UGT1A8: variants seen among roughly 807,000 people sequenced by gnomAD.
UGT1A8 encodes UDP-glucuronosyltransferase 1A8.
In UGT1A8, 39 loss-of-function variants were observed where a neutral mutation model predicts 45.3. That is an observed-to-expected ratio of 0.86 (90% CI 0.67 to 1.12). UGT1A8 has a LOEUF of 1.12. Ranked by LOEUF, UGT1A8 falls within the 50% of genes most tolerant of loss-of-function variation. The probability of loss-of-function intolerance (pLI) is 0.00; values close to 1 mark genes in which losing one functional copy is unlikely to be tolerated. For missense variants in UGT1A8, 719 were observed against 664.9 expected (o/e 1.08, Z -0.90); for synonymous variants, 275 against 249.2 (o/e 1.10, Z -0.97).
rs2072936637 is a variant in UGT1A8 at position 233,618,103 on chromosome 2, A to G, written c.396A>G (p.Lys132=). The change falls in exon 1 of 5, where the codon AAA becomes AAG. Residue 132 remains lysine (K), a synonymous_variant. Transcript: ENST00000373450. ...SHCRSLFNDR[K]LVEYLKESSF... ...GCAGGAGTTTGTTTAATGACCGAAAATTAGTAGAATACTTAAAGGAGAGTT... is the reference window on the plus strand; with the variant it reads ...GCAGGAGTTTGTTTAATGACCGAAAGTTAGTAGAATACTTAAAGGAGAGTT... 2 of 1,614,108 alleles carry G rather than the reference A, an allele frequency of 1.2e-6. No homozygotes were observed. Among genetic ancestry groups the G allele is most frequent in the Middle Eastern group, 1.6e-4 (1 of 6,062 alleles).
chr2:233,647,212 G>A (rs1262271191), intron 1 of UGT1A8, among the ~76,000 whole-genome samples: 3 of 152,230 alleles, frequency 2.0e-5, no homozygotes, highest in East Asian at 3.8e-4. Context: ...TCCATGACAC[G>A]TGGAAATTGT....
At chr2:233,661,708 C>T (rs78337459) in intron 1 of UGT1A8, among the ~76,000 whole-genome samples, 26 of 90,842 alleles carry the variant, frequency 2.9e-4, no homozygotes, top group African/African-American at 9.0e-4. Flanking sequence ...TATCTGGATT[C>T]TTTTTTTTTT....
At chr2:233,711,402 C>A (rs1267676385) in intron 1 of UGT1A8, among the ~76,000 whole-genome samples, 1 of 152,222 alleles carries the variant, frequency 6.6e-6, no homozygotes, top group African/African-American at 2.4e-5. Flanking sequence ...CCACCCTCAC[C>A]CCGGGCTCAT....
In UGT1A8 at chr2:233,690,508, G is replaced by C. The variant is rs149990156; in HGVS notation, c.855+71946G>C. The C allele has an allele frequency of 2.2e-5, 29 of 1,289,314 alleles. No individual in the cohort carries two copies. In the African/African-American group the frequency reaches 4.0e-4, roughly 18 times the overall value. The allele number at this position is 1,289,314 out of a possible 1,614,324, so 79.9% of individuals were successfully genotyped here. A position where few individuals can be genotyped will look rare whatever the true frequency, so the allele number is the denominator to read the frequency against. On this transcript the variant is annotated intron_variant, in intron 1 of 4. Transcript: ENST00000373450. ...AATCTGCTCTTGCCAACAGAGATTT[G>C]TTTTATCTTAGGATCTACTTCTTTC... is the stretch of plus-strand genomic sequence containing the variant.
chr2:233,698,522 A>G (rs1416828415), intron 1 of UGT1A8, among the ~76,000 whole-genome samples: 1 of 152,236 alleles, frequency 6.6e-6, no homozygotes, highest in Non-Finnish European at 1.5e-5. Context: ...TCGGCAATAC[A>G]TAAAGTAAAC....
chr2:233,721,901 G>A, intron 1 of UGT1A8: 1 of 456,940 alleles, frequency 2.2e-6, no homozygotes, highest in Non-Finnish European at 4.4e-6. Flanking sequence ...ATATCGAAAT[G>A]GTGCACACTG....
chr2:233,771,841 C>T (rs1700397789), intron 4 of UGT1A8, among the ~76,000 whole-genome samples: 1 of 147,174 alleles, frequency 6.8e-6, no homozygotes, highest in South Asian at 2.4e-4. Flanking sequence ...CCTTCTCTTC[C>T]TTCTTTTTCA....
Position 233,734,907 on chromosome 2 carries a change from A to G in UGT1A8, c.856-32127A>G, listed in dbSNP as rs551401777. Among the ~76,000 whole-genome samples, 233 of 152,140 alleles carry G rather than the reference A, an allele frequency of 1.5e-3. 2 individuals carry two copies. The highest frequency in any genetic ancestry group is 5.2e-3 in the African/African-American group (218 of 41,544). On this transcript the variant is annotated intron_variant, in intron 1 of 4. Coordinates refer to ENST00000373450, the MANE Select transcript of UGT1A8 (RefSeq NM_019076.5). The stretch of plus-strand genomic sequence containing the variant: ...TTTGTTGTGATTTCTATTCTTTTAC[A>G]TTTGCTAAGGAGTGCTTTACTTACA...
chr2:233,676,502 A>G (rs1269994566), intron 1 of UGT1A8, among the ~76,000 whole-genome samples: 1 of 152,224 alleles, frequency 6.6e-6, no homozygotes, highest in African/African-American at 2.4e-5. Context: ...GCTAAAAGCT[A>G]AAGTCTGTTT....
intron 1 of UGT1A8, among the ~76,000 whole-genome samples, chr2:233,757,535 A>AATATATATACATATATATAT (rs376887521): frequency 1.4e-3 from 127 of 87,896 alleles, no homozygotes; most frequent in Non-Finnish European, 1.8e-3. Context: ...GCCTGTAAGG[A>AATATATATACATATATATAT]ATATATATAT....
At chr2:233,652,404 T>A (rs1368481920) in intron 1 of UGT1A8, among the ~76,000 whole-genome samples, 1 of 152,260 alleles carries the variant, frequency 6.6e-6, no homozygotes, top group African/African-American at 2.4e-5. Flanking sequence ...TTGTTCTTTT[T>A]TTAAAAATAA....
chr2:233,701,273 T>A (rs1241801591), intron 1 of UGT1A8, among the ~76,000 whole-genome samples: 2 of 152,178 alleles, frequency 1.3e-5, no homozygotes, highest in African/African-American at 4.8e-5. Context: ...TTTCTAGTTC[T>A]AGATCCTTGA....
At chr2:233,725,835 C>T (rs141517259) in intron 1 of UGT1A8, among the ~76,000 whole-genome samples, 2 of 152,170 alleles carry the variant, frequency 1.3e-5, no homozygotes, top group African/African-American at 4.8e-5. Flanking sequence ...ATTGCTACTC[C>T]TATGTTATTT....
chr2:233,630,687 G>A (rs1428243321), intron 1 of UGT1A8, among the ~76,000 whole-genome samples: 1 of 152,084 alleles, frequency 6.6e-6, no homozygotes. Flanking sequence ...AAGAGCAGGA[G>A]CAAGAGAGAG....
intron 1 of UGT1A8, among the ~76,000 whole-genome samples, chr2:233,679,076 C>A (rs1041431725): frequency 3.3e-5 from 5 of 152,300 alleles, no homozygotes; most frequent in African/African-American, 9.6e-5. Flanking sequence ...GTATTGACAA[C>A]CTTTTCCATA....
chr2:233,690,776 TACACAC>T lies in UGT1A8; in HGVS notation c.855+72233_855+72238del, dbSNP rs34459843. 2.6e-3 allele frequency: 2,717 copies of T among 1,027,408 alleles called. 10 individuals carry two copies. Among genetic ancestry groups the T allele is most frequent in the African/African-American group, 0.014 (800 of 58,378 alleles). The allele number at this position is 1,027,408 out of a possible 1,614,324, so 63.6% of individuals were successfully genotyped here. ...GTGCAGACATACACACACACACACA[TACACAC>T]ACACACACACACACACACCATTCTT... is the stretch of plus-strand genomic sequence containing the variant. On this transcript the variant is annotated intron_variant, in intron 1 of 4. Transcript: ENST00000373450.
chr2:233,755,331 G>T, intron 1 of UGT1A8: 2 of 462,216 alleles, frequency 4.3e-6, no homozygotes, highest in South Asian at 1.9e-5. Context: ...GCCAGCACCC[G>T]CGCACAGGTC....
chr2:233,620,477 G>C (rs955699005), intron 1 of UGT1A8, among the ~76,000 whole-genome samples: 2 of 150,338 alleles, frequency 1.3e-5, no homozygotes, highest in South Asian at 2.1e-4. Context: ...ATATAAAAAA[G>C]TATATATGAT....
intron 1 of UGT1A8, chr2:233,754,982 G>T (rs777457239): frequency 2.3e-5 from 30 of 1,295,872 alleles, no homozygotes; most frequent in Middle Eastern, 2.1e-4. Flanking sequence ...AGACCTCGGC[G>T]GGGTCACGGA....
Sources: gnomAD v4.1 joint callset for allele counts (sites outside exome capture counted in the v4.1 genomes callset) on GRCh38, gnomAD v4.1.1 for gene constraint, MANE v1.5 for transcripts, NCBI Gene and HGNC (gene_info 2026-07-23, HGNC 2026-07-21) for gene names.